The following FBXL13 variants were observed in gnomAD, a reference collection of about 807,000 sequenced individuals.
FBXL13 encodes F-box and leucine rich repeat protein 13.
FBXL13 carries 67 observed loss-of-function variants against 83.6 expected under a neutral mutation model. The observed-to-expected ratio is 0.80, with a 90% CI of 0.66 to 0.98. The LOEUF (loss-of-function observed/expected upper bound fraction) is 0.98. Among genes scored for constraint, FBXL13 ranks in the 50% least tolerant of loss-of-function variants. FBXL13 has a pLI of 0.00. For synonymous variants in FBXL13, 272 were observed against 299.5 expected, an observed-to-expected ratio of 0.91 and a Z score of 0.95; for missense variants, 822 against 866.5, an observed-to-expected ratio of 0.95 and a Z score of 0.64.
At chr7:102,991,011 GGACAAATGAAAAATAA>G (rs1482646168) in intron 6 of FBXL13, among the ~76,000 whole-genome samples, 2 of 152,114 alleles carry the variant, frequency 1.3e-5, no homozygotes, top group African/African-American at 4.8e-5. Flanking sequence ...CAACTCTGGT[GGACAAATGAAAAATAA>G]GTCAGGTGGT....
chr7:103,034,664 G>A (rs1457426122), intron 2 of FBXL13, among the ~76,000 whole-genome samples: 1 of 152,226 alleles, frequency 6.6e-6, no homozygotes, highest in African/African-American at 2.4e-5. Context: ...TGCAGTGGCA[G>A]GCTGAAAGGC....
At chr7:102,874,401 GA>G in intron 16 of FBXL13, 5 of 980,802 alleles carry the variant, frequency 5.1e-6, no homozygotes, top group Non-Finnish European at 6.1e-6. Context: ...CTTGGAGGAA[GA>G]AAACAACAGA....
At chr7:102,939,378 G>C (rs1767981168) in intron 8 of FBXL13, 1 of 1,487,730 alleles carries the variant, frequency 6.7e-7, no homozygotes, top group Admixed American at 1.9e-5. Flanking sequence ...CGGTGACCGA[G>C]GAAATGGGGG....
intron 8 of FBXL13, among the ~76,000 whole-genome samples, chr7:102,943,406 C>G (rs1205958843): frequency 2.0e-5 from 3 of 149,940 alleles, no homozygotes; most frequent in African/African-American, 7.4e-5. Context: ...TCTAGTAAAA[C>G]TAATCAAGGG....
intron 6 of FBXL13, among the ~76,000 whole-genome samples, chr7:103,020,847 T>C (rs1286672939): frequency 2.0e-5 from 3 of 152,146 alleles, no homozygotes; most frequent in Non-Finnish European, 4.4e-5. Context: ...CACAAACAAA[T>C]GGAAAACAAT....
intron 16 of FBXL13, among the ~76,000 whole-genome samples, chr7:102,873,926 T>C (rs1369289688): frequency 2.0e-5 from 3 of 152,214 alleles, no homozygotes; most frequent in African/African-American, 7.2e-5. Context: ...CATCATACTT[T>C]GTAACCACTT....
chr7:102,954,076 G>A (rs565599862), intron 8 of FBXL13, among the ~76,000 whole-genome samples: 1 of 152,212 alleles, frequency 6.6e-6, no homozygotes, highest in South Asian at 2.1e-4. Flanking sequence ...CACTGGGACT[G>A]GTTGGACAGT....
chr7:102,946,909 C>T (rs1174479249), intron 8 of FBXL13, among the ~76,000 whole-genome samples: 1 of 152,000 alleles, frequency 6.6e-6, no homozygotes, highest in Non-Finnish European at 1.5e-5. Context: ...CTCTTGACCT[C>T]GGGTGATCTG....
chr7:102,867,695 A>ATATATTTTTTTTTTT (rs1239781180), intron 16 of FBXL13, among the ~76,000 whole-genome samples: 2 of 49,078 alleles, frequency 4.1e-5, no homozygotes, highest in Admixed American at 6.1e-4. Flanking sequence ...ATATATATAT[A>ATATATTTTTTTTTTT]TTTTTTTTTT....
At chr7:102,908,671 T>C (rs1814152377) in intron 11 of FBXL13, among the ~76,000 whole-genome samples, 1 of 152,238 alleles carries the variant, frequency 6.6e-6, no homozygotes, top group African/African-American at 2.4e-5. Flanking sequence ...GGTACCACCC[T>C]GTTGGTCTGG....
intron 8 of FBXL13, among the ~76,000 whole-genome samples, chr7:102,958,336 T>G (rs940917871): frequency 6.7e-6 from 1 of 148,530 alleles, no homozygotes; most frequent in African/African-American, 2.5e-5. Flanking sequence ...AAATGAACAA[T>G]GAGATCACTT....
intron 16 of FBXL13, among the ~76,000 whole-genome samples, chr7:102,868,524 G>A (rs1808071948): frequency 6.6e-6 from 1 of 152,108 alleles, no homozygotes; most frequent in Admixed American, 6.5e-5. Flanking sequence ...ATTCTATTGT[G>A]CATATATATA....
intron 9 of FBXL13, among the ~76,000 whole-genome samples, chr7:102,929,288 A>T (rs956309797): frequency 3.3e-5 from 5 of 152,228 alleles, no homozygotes; most frequent in African/African-American, 1.2e-4. Flanking sequence ...CGGGAGATAC[A>T]TATGTAAACA....
At chr7:102,892,243 AG>A (rs1223029786) in intron 11 of FBXL13, among the ~76,000 whole-genome samples, 3 of 152,220 alleles carry the variant, frequency 2.0e-5, no homozygotes, top group Non-Finnish European at 4.4e-5. Context: ...AATTTTTGCC[AG>A]ATGTTTCATT....
intron 16 of FBXL13, among the ~76,000 whole-genome samples, chr7:102,876,433 G>C (rs1445598880): frequency 1.3e-5 from 2 of 152,164 alleles, no homozygotes; most frequent in African/African-American, 4.8e-5. Context: ...ATATGGAAGG[G>C]AAGAGGAGGT....
chr7:103,017,690 T>C (rs11978386), intron 6 of FBXL13, among the ~76,000 whole-genome samples: 1,677 of 152,212 alleles, frequency 0.011, 35 homozygotes, highest in African/African-American at 0.039. Flanking sequence ...TAAGCTTCAG[T>C]AGCTGATTCC....
At chr7:102,822,860 C>A (rs978570377) in intron 18 of FBXL13, among the ~76,000 whole-genome samples, 1 of 152,174 alleles carries the variant, frequency 6.6e-6, no homozygotes, top group Non-Finnish European at 1.5e-5. Context: ...ATTGCTTGAA[C>A]CCAGTTCGAG....
intron 18 of FBXL13, among the ~76,000 whole-genome samples, chr7:102,824,019 G>T (rs891526463): frequency 6.6e-6 from 1 of 152,218 alleles, no homozygotes; most frequent in African/African-American, 2.4e-5. Flanking sequence ...AAAAGTCCAG[G>T]GGAGGTGGAG....
chr7:102,852,036 T>G (rs1357367541), intron 17 of FBXL13, among the ~76,000 whole-genome samples: 1 of 152,144 alleles, frequency 6.6e-6, no homozygotes, highest in Non-Finnish European at 1.5e-5. Context: ...TCCCCCAACT[T>G]TCATGATTAG....
Sources: allele counts gnomAD v4.1 joint callset (sites outside exome capture counted in the v4.1 genomes callset), GRCh38; gene constraint gnomAD v4.1.1; transcripts MANE v1.5; gene names NCBI Gene and HGNC (gene_info 2026-07-23, HGNC 2026-07-21).